TNKS: variants seen among roughly 807,000 people sequenced by gnomAD.
TNKS encodes the protein tankyrase.
A neutral mutation model predicts 135.8 loss-of-function variants in TNKS; 72 were observed. The observed-to-expected ratio is 0.53, with a 90% CI of 0.44 to 0.64. TNKS has a LOEUF of 0.64. TNKS is among the 30% of genes least tolerant of loss of function. The pLI is 0.00. For missense variants in TNKS, 1,769 were observed against 1,674.0 expected, an observed-to-expected ratio of 1.06 and a Z score of -0.99; for synonymous variants, 849 against 649.3, an observed-to-expected ratio of 1.31 and a Z score of -4.68.
intron 2 of TNKS, among the ~76,000 whole-genome samples, chr8:9,581,254 T>C (rs1383421928): frequency 6.6e-6 from 1 of 152,222 alleles, no homozygotes; most frequent in Non-Finnish European, 1.5e-5. Context: ...TATTGCAGCT[T>C]CTAATATATT....
At chr8:9,634,871 T>A (rs772534362) in intron 3 of TNKS, among the ~76,000 whole-genome samples, 1 of 152,156 alleles carries the variant, frequency 6.6e-6, no homozygotes, top group Non-Finnish European at 1.5e-5. Context: ...GAACATCTTC[T>A]GTGCTAGAAA....
intron 5 of TNKS, among the ~76,000 whole-genome samples, chr8:9,695,988 T>C (rs552820211): frequency 6.6e-6 from 1 of 152,304 alleles, no homozygotes; most frequent in Admixed American, 6.5e-5. Flanking sequence ...CTTACATATA[T>C]CATGTAGTGA....
intron 3 of TNKS, among the ~76,000 whole-genome samples, chr8:9,659,003 G>C (rs1801564732): frequency 6.6e-6 from 1 of 152,272 alleles, no homozygotes; most frequent in Admixed American, 6.5e-5. Flanking sequence ...CTTACATAAT[G>C]GTAAAGGGAT....
intron 5 of TNKS, among the ~76,000 whole-genome samples, chr8:9,690,211 G>GT (rs1404446513): frequency 2.6e-5 from 4 of 152,124 alleles, no homozygotes; most frequent in African/African-American, 9.7e-5. Flanking sequence ...TTCACCACAC[G>GT]TTTTAATTCT....
chr8:9,659,754 A>G (rs1163312361), intron 3 of TNKS, among the ~76,000 whole-genome samples: 1 of 152,252 alleles, frequency 6.6e-6, no homozygotes, highest in Non-Finnish European at 1.5e-5. Context: ...ACTGAAGGAG[A>G]TAGAGACACA....
At chr8:9,725,302 T>C (rs1322442556) in intron 12 of TNKS, among the ~76,000 whole-genome samples, 1 of 152,240 alleles carries the variant, frequency 6.6e-6, no homozygotes, top group African/African-American at 2.4e-5. Flanking sequence ...AAGATCTGGT[T>C]CCTTTCCTCA....
intron 26 of TNKS, among the ~76,000 whole-genome samples, chr8:9,771,611 A>G: frequency 8.9e-6 from 1 of 111,994 alleles, no homozygotes; most frequent in African/African-American, 3.6e-5. Flanking sequence ...AGAAGGGAGG[A>G]AGAGAGGAAG....
chr8:9,611,789 A>G (rs1458833708), intron 2 of TNKS, among the ~76,000 whole-genome samples: 1 of 152,226 alleles, frequency 6.6e-6, no homozygotes, highest in Non-Finnish European at 1.5e-5. Context: ...TATTTGAGAA[A>G]TTGCTTGGGG....
intron 3 of TNKS, among the ~76,000 whole-genome samples, chr8:9,625,457 G>C (rs1800022399): frequency 6.6e-6 from 1 of 150,716 alleles, no homozygotes; most frequent in Non-Finnish European, 1.5e-5. Flanking sequence ...CTTTTTCTGG[G>C]TTTTTGAGGT....
chr8:9,766,851 G>A (rs567382113), intron 25 of TNKS, among the ~76,000 whole-genome samples: 23 of 152,270 alleles, frequency 1.5e-4, no homozygotes, highest in African/African-American at 5.5e-4. Context: ...GGTAAATCCC[G>A]TTGGTTCTGG....
chr8:9,605,365 T>C (rs1288794689), intron 2 of TNKS, among the ~76,000 whole-genome samples: 1 of 152,116 alleles, frequency 6.6e-6, no homozygotes, highest in Non-Finnish European at 1.5e-5. Context: ...AGTAGTATTC[T>C]GTTGTATGAC....
At chr8:9,601,373 A>G (rs1229065758) in intron 2 of TNKS, among the ~76,000 whole-genome samples, 2 of 152,224 alleles carry the variant, frequency 1.3e-5, no homozygotes, top group Non-Finnish European at 2.9e-5. Flanking sequence ...AGATATCTGC[A>G]CAAGTACTCT....
At chr8:9,710,425 A>ATG (rs1804267771) in intron 11 of TNKS, 1 of 600,144 alleles carries the variant, frequency 1.7e-6, no homozygotes, top group African/African-American at 1.9e-5. Context: ...TGATCCTTTA[A>ATG]TGTCACCCTT....
chr8:9,635,870 C>A (rs1009969276), intron 3 of TNKS, among the ~76,000 whole-genome samples: 3 of 152,050 alleles, frequency 2.0e-5, no homozygotes, highest in Non-Finnish European at 2.9e-5. Flanking sequence ...ACTAAAGAGA[C>A]ATGACAACTA....
At chr8:9,674,555 G>A (rs1185364099) in intron 3 of TNKS, among the ~76,000 whole-genome samples, 3 of 152,172 alleles carry the variant, frequency 2.0e-5, no homozygotes, top group Non-Finnish European at 4.4e-5. Flanking sequence ...CTGGTGAATG[G>A]TCTCTCTGCA....
chr8:9,685,022 G>T (rs1245950495), intron 5 of TNKS, among the ~76,000 whole-genome samples: 2 of 152,096 alleles, frequency 1.3e-5, no homozygotes, highest in Non-Finnish European at 2.9e-5. Context: ...CACAAATTTA[G>T]ATGAGCAGGT....
intron 22 of TNKS, among the ~76,000 whole-genome samples, chr8:9,764,064 T>C (rs1807291600): frequency 6.6e-6 from 1 of 152,158 alleles, no homozygotes; most frequent in South Asian, 2.1e-4. Context: ...TAGTACATTT[T>C]GATAACAATG....
intron 2 of TNKS, among the ~76,000 whole-genome samples, chr8:9,612,288 C>G (rs1451263381): frequency 6.6e-6 from 1 of 152,090 alleles, no homozygotes; most frequent in Non-Finnish European, 1.5e-5. Flanking sequence ...TTTGAAACAA[C>G]AGACATAGTT....
intron 3 of TNKS, among the ~76,000 whole-genome samples, chr8:9,639,242 T>A (rs1800634442): frequency 6.6e-6 from 1 of 152,176 alleles, no homozygotes; most frequent in African/African-American, 2.4e-5. Context: ...GTTTATTTTT[T>A]AAAGTAGACC....
Sources: gnomAD v4.1 joint callset for allele counts (sites outside exome capture counted in the v4.1 genomes callset) on GRCh38, gnomAD v4.1.1 for gene constraint, MANE v1.5 for transcripts, NCBI Gene and HGNC (gene_info 2026-07-23, HGNC 2026-07-21) for gene names.